The following LRRFIP1 variants were observed in gnomAD, a reference collection of about 807,000 sequenced individuals.
LRRFIP1 encodes leucine-rich repeat flightless-interacting protein 1.
Under a neutral mutation model 104.4 loss-of-function variants are expected in LRRFIP1, and 62 were observed. That is an observed-to-expected ratio of 0.59 (90% CI 0.48 to 0.73). The LOEUF (loss-of-function observed/expected upper bound fraction) is 0.73, where lower values mean the gene tolerates loss of function less well. LRRFIP1 is among the 30% of genes least tolerant of loss of function. The pLI is 0.00. For missense variants in LRRFIP1, 796 were observed against 824.5 expected (o/e 0.97, Z 0.42); for synonymous variants, 300 against 299.0 (o/e 1.00, Z -0.03).
At chr2:237,740,847 C>A (rs1019423530) in intron 11 of LRRFIP1, among the ~76,000 whole-genome samples, 22 of 150,974 alleles carry the variant, frequency 1.5e-4, no homozygotes, top group African/African-American at 5.4e-4. Context: ...GCCCAGGTGC[C>A]ATTCATCACT....
chr2:237,729,940 C>T (rs765414436), intron 8 of LRRFIP1: 7 of 539,086 alleles, frequency 1.3e-5, no homozygotes, highest in Middle Eastern at 9.2e-4. Context: ...TTTTCTCTTT[C>T]GGTGTCTGTT....
intron 1 of LRRFIP1, among the ~76,000 whole-genome samples, chr2:237,707,480 G>GA (rs927544186): frequency 2.7e-5 from 4 of 149,598 alleles, no homozygotes; most frequent in Non-Finnish European, 5.9e-5. Flanking sequence ...AAAAAAGGAA[G>GA]AAAAAAAGGA....
rs1450643993 is a variant in LRRFIP1 at position 237,661,062 on chromosome 2, C to A, written c.96+33322C>A. Among the ~76,000 whole-genome samples, 5 of 152,086 alleles carry A rather than the reference C, an allele frequency of 3.3e-5. No individual in the cohort carries two copies. Among genetic ancestry groups the A allele is most frequent in the African/African-American group, 7.2e-5 (3 of 41,384 alleles). On this transcript the variant is annotated intron_variant, in intron 1 of 23. Coordinates refer to ENST00000308482, the MANE Select transcript of LRRFIP1 (RefSeq NM_001137550.2). This position sits in a 1 kb window ranked among gnomAD's most constrained non-coding sequence, Gnocchi z 4.4. The stretch of plus-strand genomic sequence containing the variant: ...CCCTGTGCCCCGAGAAACTAACATG[C>A]CATCTCTGCTCTCCCACCGCTTCCT...
chr2:237,756,017 T>G (rs2059226792), intron 15 of LRRFIP1, 78 bp from the exon 16 acceptor site: 1 of 866,134 alleles, frequency 1.2e-6, no homozygotes, highest in African/African-American at 1.7e-5. Flanking sequence ...CCACAGAAAC[T>G]ATAAATCGTG....
At chr2:237,689,154 G>A (rs10182428) in intron 1 of LRRFIP1, among the ~76,000 whole-genome samples, 2,663 of 152,162 alleles carry the variant, frequency 0.018, 94 homozygotes, top group African/African-American at 0.06. Context: ...TGGCGTAAAA[G>A]TATTGCATTT....
chr2:237,737,329 A>C (rs2095281037), intron 10 of LRRFIP1, among the ~76,000 whole-genome samples: 1 of 152,222 alleles, frequency 6.6e-6, no homozygotes, highest in Non-Finnish European at 1.5e-5. Flanking sequence ...CATGTCACAG[A>C]TGCCGGGCTA....
Position 237,661,146 on chromosome 2 carries a change from AAC to A in LRRFIP1, c.96+33408_96+33409del, listed in dbSNP as rs1158866405. On this transcript the variant is annotated intron_variant, in intron 1 of 23. Transcript: ENST00000308482. The surrounding 1 kb of genome is among the most constrained non-coding windows in gnomAD (Gnocchi z 4.4). ...GGGTGCCTCATCAGCACTGTGAACAAACAGGGAAGGATATCTGGGGCCACGCA... is the reference window on the plus strand; with the variant it reads ...GGGTGCCTCATCAGCACTGTGAACAAAGGGAAGGATATCTGGGGCCACGCA... Among the ~76,000 whole-genome samples, 1 of 149,648 alleles carries A rather than the reference AAC, an allele frequency of 6.7e-6. No individual in the cohort carries two copies. The highest frequency in any genetic ancestry group is 6.6e-5 in the Admixed American group (1 of 15,238).
intron 1 of LRRFIP1, among the ~76,000 whole-genome samples, chr2:237,688,702 A>G (rs1442704974): frequency 1.3e-5 from 2 of 151,316 alleles, no homozygotes. Flanking sequence ...CAGGTGATCC[A>G]CCCTCCTCGG....
At chr2:237,728,306 G>A (rs959844959) in intron 8 of LRRFIP1, among the ~76,000 whole-genome samples, 1 of 152,126 alleles carries the variant, frequency 6.6e-6, no homozygotes, top group Non-Finnish European at 1.5e-5. Flanking sequence ...CAACATTTTC[G>A]CAGTCTCCAC....
intron 5 of LRRFIP1, among the ~76,000 whole-genome samples, chr2:237,720,130 A>T (rs2094488351): frequency 6.6e-6 from 1 of 151,984 alleles, no homozygotes; most frequent in African/African-American, 2.4e-5. Flanking sequence ...TATTTTTGGT[A>T]GAGACGGAGT....
At chr2:237,740,305 A>G (rs2095376976) in intron 11 of LRRFIP1, among the ~76,000 whole-genome samples, 1 of 151,556 alleles carries the variant, frequency 6.6e-6, no homozygotes, top group Non-Finnish European at 1.5e-5. Context: ...AGTCGCAGCT[A>G]CTCAGGAGGT....
intron 2 of LRRFIP1, among the ~76,000 whole-genome samples, chr2:237,709,928 C>T (rs924139816): frequency 6.6e-6 from 1 of 151,858 alleles, no homozygotes; most frequent in African/African-American, 2.4e-5. Flanking sequence ...TCTCTACTCA[C>T]TGCAACCTCC....
At chr2:237,744,852 G>A (rs1017935751) in intron 11 of LRRFIP1, among the ~76,000 whole-genome samples, 2 of 152,248 alleles carry the variant, frequency 1.3e-5, no homozygotes, top group Admixed American at 6.5e-5. Flanking sequence ...CACTGTCTGC[G>A]GGGTCCGGTG....
chr2:237,658,734 T>C (rs578083555), intron 1 of LRRFIP1, among the ~76,000 whole-genome samples: 1 of 152,152 alleles, frequency 6.6e-6, no homozygotes, highest in African/African-American at 2.4e-5. Context: ...TCAGATCTTA[T>C]GAGAACTCAC....
At chr2:237,682,746 C>T (rs1215886968) in intron 1 of LRRFIP1, among the ~76,000 whole-genome samples, 1 of 152,178 alleles carries the variant, frequency 6.6e-6, no homozygotes, top group Non-Finnish European at 1.5e-5. Context: ...ACTTTCTTGC[C>T]GTCCCTGACA....
At position 237,770,139 on chromosome 2, in the gene LRRFIP1, A is replaced by C. The variant is rs1367826693; in HGVS notation, c.1509+147A>C. ...GCCAACTGGTGTTCTTAAGATTGCT[A>C]TCCAAATAGAACATCAAAGTTAATA... On this transcript the variant is annotated intron_variant, in intron 20 of 23. Coordinates refer to ENST00000308482, the MANE Select transcript of LRRFIP1 (RefSeq NM_001137550.2). The C allele has an allele frequency of 1.1e-5, 7 of 647,534 alleles. No homozygotes were observed. In the East Asian group the frequency reaches 1.9e-4, roughly 18 times the overall value. The allele number at this position is 647,534 out of a possible 1,614,324, so 40.1% of individuals were successfully genotyped here.
At chr2:237,663,428 T>C (rs111998545) in intron 1 of LRRFIP1, among the ~76,000 whole-genome samples, 2,998 of 151,908 alleles carry the variant, frequency 0.02, 117 homozygotes, top group African/African-American at 0.069. Flanking sequence ...GGGAGTTCTT[T>C]CCCCCCCCAT....
intron 1 of LRRFIP1, among the ~76,000 whole-genome samples, chr2:237,669,793 G>A (rs1167378989): frequency 2.0e-5 from 3 of 149,948 alleles, no homozygotes; most frequent in Non-Finnish European, 3.0e-5. Flanking sequence ...AACATGGACC[G>A]GCTGTTCCAT....
rs1366287789 is a variant in LRRFIP1 at position 237,720,987 on chromosome 2, T to G, written c.345+165T>G. 31 of 636,244 alleles carry G rather than the reference T, an allele frequency of 4.9e-5. 1 individual carries two copies. In the South Asian group the frequency reaches 5.7e-4, roughly 12 times the overall value. The allele number at this position is 636,244 out of a possible 1,614,324, so 39.4% of individuals were successfully genotyped here. On this transcript the variant is annotated intron_variant, in intron 6 of 23. Transcript: ENST00000308482. ...AAATCAAATCAATGGGGGATGTTTC[T>G]TTGTTGCTGTAGAGAGATGATTTAT...
Sources: gnomAD v4.1 joint callset for allele counts (sites outside exome capture counted in the v4.1 genomes callset) on GRCh38, gnomAD v4.1.1 for gene constraint, Gnocchi (gnomAD v3.1) non-coding constraint, MANE v1.5 for transcripts, NCBI Gene and HGNC (gene_info 2026-07-23, HGNC 2026-07-21) for gene names.